IFT43: variants seen among roughly 807,000 people sequenced by gnomAD.
IFT43 encodes the protein intraflagellar transport 43, also known as intraflagellar transport protein 43 homolog.
A neutral mutation model predicts 32.3 loss-of-function variants in IFT43; 33 were observed. The observed-to-expected ratio is 1.02, with a 90% confidence interval of 0.77 to 1.37. The LOEUF is 1.37. Among genes scored for constraint, IFT43 ranks in the 40% most tolerant of loss-of-function variants. The probability of loss-of-function intolerance (pLI) is 0.00; values close to 1 mark genes in which losing one functional copy is unlikely to be tolerated. For synonymous variants in IFT43, 93 were observed against 98.2 expected (o/e 0.95, Z 0.31); for missense variants, 274 against 265.9 (o/e 1.03, Z -0.21).
Position 75,988,701 on chromosome 14 carries a change from G to A in IFT43, c.55-184G>A, listed in dbSNP as rs1472209123. The A allele has an allele frequency of 1.0e-5, 3 of 291,286 alleles. No homozygotes were observed. The Admixed American group carries it at 1.9e-4, about 19-fold the overall frequency. The allele number at this position is 291,286 out of a possible 1,614,324, so 18.0% of individuals were successfully genotyped here. Reference sequence around the variant, plus strand: ...GCCAGGCTAATCTTTTGTGTTTTTAGTAGAGACGGGGTTTCACCGTGTTAG... The same window carrying A: ...GCCAGGCTAATCTTTTGTGTTTTTAATAGAGACGGGGTTTCACCGTGTTAG... On this transcript the variant is annotated intron_variant, in intron 1 of 8. Coordinates refer to ENST00000314067, the MANE Select transcript of IFT43 (RefSeq NM_001102564.3).
intron 3 of IFT43, among the ~76,000 whole-genome samples, chr14:76,049,457 GTTTT>G (rs11326962): frequency 6.7e-6 from 1 of 148,482 alleles, no homozygotes; most frequent in African/African-American, 2.5e-5. Context: ...AAAGCTGTGT[GTTTT>G]TTTTTTTTTT....
At chr14:75,986,588 C>T (rs2035534436) in intron 1 of IFT43, among the ~76,000 whole-genome samples, 1 of 152,132 alleles carries the variant, frequency 6.6e-6, no homozygotes, top group African/African-American at 2.4e-5. Context: ...TATGTTATCA[C>T]GGAAGAGGTC....
intron 5 of IFT43, among the ~76,000 whole-genome samples, chr14:76,075,285 T>C (rs1594865759): frequency 6.6e-6 from 1 of 152,200 alleles, no homozygotes; most frequent in African/African-American, 2.4e-5. Context: ...CCAGCTCTAA[T>C]CAGGTGAAAT....
intron 5 of IFT43, among the ~76,000 whole-genome samples, chr14:76,078,973 G>A (rs1308768514): frequency 1.3e-5 from 2 of 152,200 alleles, no homozygotes; most frequent in Non-Finnish European, 2.9e-5. Flanking sequence ...TGTATGGTAA[G>A]GGAGAGGACT....
intron 5 of IFT43, among the ~76,000 whole-genome samples, chr14:76,062,031 T>C (rs2037144000): frequency 6.6e-6 from 1 of 152,130 alleles, no homozygotes; most frequent in Non-Finnish European, 1.5e-5. Flanking sequence ...AGTCTGTTTC[T>C]ATAACTGATT....
At chr14:76,021,334 C>T (rs2139954125) in intron 2 of IFT43, among the ~76,000 whole-genome samples, 1 of 152,250 alleles carries the variant, frequency 6.6e-6, no homozygotes, top group South Asian at 2.1e-4. Flanking sequence ...CTCTTCTAAG[C>T]AAGTCTCACT....
rs139222527 is a variant in IFT43 at position 76,040,898 on chromosome 14, G to T, written c.216-17744G>T. 3.9e-5 allele frequency among the ~76,000 whole-genome samples: 6 copies of T among 152,344 alleles called. No homozygotes were observed. The East Asian group carries it at 1.2e-3, about 29-fold the overall frequency. ...CGAGATGAACTTGCTGCCTGTGCAT[G>T]TGTGCCAGGGAAAGGACAGCTGAGA... On this transcript the variant is annotated intron_variant, in intron 3 of 8. Coordinates refer to ENST00000314067, the MANE Select transcript of IFT43 (RefSeq NM_001102564.3).
intron 3 of IFT43, among the ~76,000 whole-genome samples, chr14:76,032,932 A>G (rs940444776): frequency 6.6e-6 from 1 of 152,198 alleles, no homozygotes; most frequent in African/African-American, 2.4e-5. Flanking sequence ...TGGTTGGGTC[A>G]TGGTGCTATA....
intron 3 of IFT43, among the ~76,000 whole-genome samples, chr14:76,041,469 G>A (rs868461521): frequency 1.3e-5 from 2 of 152,220 alleles, no homozygotes; most frequent in Non-Finnish European, 2.9e-5. Flanking sequence ...TGAAATTCTA[G>A]TGTTTCTGTT....
intron 1 of IFT43, among the ~76,000 whole-genome samples, chr14:75,987,636 T>C (rs2035554208): frequency 6.6e-6 from 1 of 152,200 alleles, no homozygotes. Context: ...TTAAATGAGA[T>C]CTAAAAGTGC....
intron 2 of IFT43, among the ~76,000 whole-genome samples, chr14:76,000,894 G>A (rs2139897422): frequency 6.6e-6 from 1 of 152,288 alleles, no homozygotes; most frequent in East Asian, 1.9e-4. Flanking sequence ...TTCAATTTGG[G>A]ACATGCTGAA....
chr14:76,080,982 C>T (rs1231193666), intron 5 of IFT43, among the ~76,000 whole-genome samples: 1 of 152,180 alleles, frequency 6.6e-6, no homozygotes, highest in Admixed American at 6.5e-5. Context: ...TCCCTTTTCA[C>T]TCTTTTTATC....
At chr14:75,988,593 A>G (rs1381461263) in intron 1 of IFT43, among the ~76,000 whole-genome samples, 2 of 152,044 alleles carry the variant, frequency 1.3e-5, no homozygotes, top group African/African-American at 2.4e-5. Flanking sequence ...ATTTCGGCTC[A>G]CTGCAACCTC....
chr14:76,031,280 T>A (rs1436542648), intron 3 of IFT43, among the ~76,000 whole-genome samples: 1 of 152,136 alleles, frequency 6.6e-6, no homozygotes, highest in Non-Finnish European at 1.5e-5. Flanking sequence ...TACTTTTTTC[T>A]AAATGGCTAT....
At chr14:76,070,066 G>C (rs2037292725) in intron 5 of IFT43, among the ~76,000 whole-genome samples, 1 of 152,236 alleles carries the variant, frequency 6.6e-6, no homozygotes, top group African/African-American at 2.4e-5. Flanking sequence ...TGGATGATCT[G>C]AAAGTGCTGA....
intron 5 of IFT43, among the ~76,000 whole-genome samples, chr14:76,070,862 A>C (rs1387931601): frequency 6.6e-6 from 1 of 151,894 alleles, no homozygotes; most frequent in Non-Finnish European, 1.5e-5. Flanking sequence ...AGGCCTCCCC[A>C]GAAGCAGAGG....
intron 5 of IFT43, 24 bp downstream of exon 5, chr14:76,059,397 A>G: frequency 6.2e-7 from 1 of 1,611,532 alleles, no homozygotes; most frequent in Non-Finnish European, 8.5e-7. Context: ...GGAGGAAGTC[A>G]AAAGGTCTTC....
intron 3 of IFT43, among the ~76,000 whole-genome samples, chr14:76,025,442 A>C (rs2036372726): frequency 6.6e-6 from 1 of 152,100 alleles, no homozygotes; most frequent in Admixed American, 6.5e-5. Context: ...ACTAGAAAAA[A>C]CTATTTTAAA....
At chr14:76,008,934 A>G (rs1328058639) in intron 2 of IFT43, among the ~76,000 whole-genome samples, 3 of 152,204 alleles carry the variant, frequency 2.0e-5, no homozygotes, top group Non-Finnish European at 4.4e-5. Flanking sequence ...GGATTAGACC[A>G]TGCTATTTTC....
Sources: allele counts gnomAD v4.1 joint callset (sites outside exome capture counted in the v4.1 genomes callset), GRCh38; gene constraint gnomAD v4.1.1; transcripts MANE v1.5; gene names NCBI Gene and HGNC (gene_info 2026-07-23, HGNC 2026-07-21).